The following RARB variants were observed in gnomAD, a reference collection of about 807,000 sequenced individuals.
RARB encodes the protein retinoic acid receptor beta.
A neutral mutation model predicts 51.9 loss-of-function variants in RARB; 17 were observed. The ratio of observed to expected loss-of-function variants is 0.33; its 90% confidence interval spans 0.22 to 0.49. RARB has a LOEUF of 0.49. Among genes scored for constraint, RARB ranks in the 20% least tolerant of loss-of-function variants. The pLI is 0.99. For synonymous variants in RARB, 215 were observed against 195.4 expected (o/e 1.10, Z -0.84); for missense variants, 369 against 550.8 (o/e 0.67, Z 3.30).
At chr3:24,859,872 G>A (rs1160836314) in intron 2 of RARB, among the ~76,000 whole-genome samples, 2 of 152,124 alleles carry the variant, frequency 1.3e-5, no homozygotes, top group African/African-American at 4.8e-5. Context: ...AACTTTATTT[G>A]TAGACACTGA....
At chr3:25,514,414 C>A (rs540222661) in intron 3 of RARB, among the ~76,000 whole-genome samples, 1 of 152,138 alleles carries the variant, frequency 6.6e-6, no homozygotes, top group African/African-American at 2.4e-5. Context: ...AAAGCAAACA[C>A]CCTGTTTTCT....
chr3:25,308,142 G>C (rs1001981421), intron 5 of RARB, among the ~76,000 whole-genome samples: 4 of 152,192 alleles, frequency 2.6e-5, no homozygotes, highest in African/African-American at 7.2e-5. Flanking sequence ...TTATGTGTTT[G>C]AGTGAGATGG....
chr3:25,163,660 A>G (rs911714905), intron 4 of RARB, among the ~76,000 whole-genome samples: 1 of 151,996 alleles, frequency 6.6e-6, no homozygotes, highest in Non-Finnish European at 1.5e-5. Flanking sequence ...TTGGTGGTCA[A>G]TAAAGAGTCT....
chr3:24,971,683 A>C (rs1696400826), intron 2 of RARB, among the ~76,000 whole-genome samples: 2 of 152,062 alleles, frequency 1.3e-5, no homozygotes, highest in Admixed American at 1.3e-4. Flanking sequence ...TGATCAGAGC[A>C]GTGGCTTCAG....
At chr3:25,107,666 T>A (rs991899675) in intron 3 of RARB, among the ~76,000 whole-genome samples, 1 of 152,154 alleles carries the variant, frequency 6.6e-6, no homozygotes, top group African/African-American at 2.4e-5. Context: ...TGATAAAGCT[T>A]AATTTATAAA....
chr3:25,227,352 C>A (rs1702077216), intron 5 of RARB, among the ~76,000 whole-genome samples: 1 of 152,172 alleles, frequency 6.6e-6, no homozygotes, highest in Admixed American at 6.5e-5. Flanking sequence ...ATTTGATGTT[C>A]ATTATGAAAG....
rs111257052 is a variant in RARB at position 25,543,067 on chromosome 3, A to T, written c.449-26691A>T. ...ACTGGTAATGTCTGTTGACATTTAT[A>T]ACACCTGGAAGAGATACTAGTAGAG... On this transcript the variant is annotated intron_variant, in intron 3 of 7. Coordinates refer to ENST00000330688, the MANE Select transcript of RARB (RefSeq NM_000965.5). Among the ~76,000 whole-genome samples the T allele has an allele frequency of 9.0e-3, 1,368 of 152,328 alleles. 14 individuals carry two copies. The highest frequency in any genetic ancestry group is 0.03 in the African/African-American group (1,257 of 41,568).
rs372516590 is a variant in RARB at position 24,910,348 on chromosome 3, T to C, written c.-380+51596T>C. Among the ~76,000 whole-genome samples, 4 of 152,204 alleles carry C rather than the reference T, an allele frequency of 2.6e-5. No homozygotes were observed. The East Asian group carries it at 5.8e-4, about 22-fold the overall frequency. On this transcript the variant is annotated intron_variant, in intron 2 of 11. Coordinates refer to the RARB transcript ENST00000383772. ...TTAGGTTCAGTCCCGCTAATACTAA[T>C]GTCTAGCTCTTCTTACCCAAAACCC... is the stretch of plus-strand genomic sequence containing the variant.
chr3:25,297,110 C>G (rs1703932900), intron 5 of RARB, among the ~76,000 whole-genome samples: 1 of 152,066 alleles, frequency 6.6e-6, no homozygotes, highest in Non-Finnish European at 1.5e-5. Flanking sequence ...TGTATATAAA[C>G]TTCAGGAAAT....
At chr3:24,960,548 AGTG>A (rs1486638220) in intron 2 of RARB, among the ~76,000 whole-genome samples, 1 of 152,222 alleles carries the variant, frequency 6.6e-6, no homozygotes, top group Non-Finnish European at 1.5e-5. Flanking sequence ...AGGCAGAGGA[AGTG>A]GTGACAAGAG....
chr3:25,487,712 CCTT>C (rs1437715039), intron 2 of RARB, among the ~76,000 whole-genome samples: 6 of 152,150 alleles, frequency 3.9e-5, no homozygotes, highest in Non-Finnish European at 8.8e-5. Context: ...TTCAGAATCT[CCTT>C]CTGAGGGGCT....
At chr3:24,854,173 G>A (rs557253703) in intron 1 of RARB, among the ~76,000 whole-genome samples, 1 of 152,302 alleles carries the variant, frequency 6.6e-6, no homozygotes, top group South Asian at 2.1e-4. Flanking sequence ...ATCCCCTCAG[G>A]CAGATTGTTA....
chr3:25,535,631 A>C (rs769659621), intron 3 of RARB, among the ~76,000 whole-genome samples: 2 of 150,780 alleles, frequency 1.3e-5, no homozygotes, highest in Non-Finnish European at 3.0e-5. Context: ...TCATTGTTCA[A>C]CTCCCACTTA....
intron 4 of RARB, among the ~76,000 whole-genome samples, chr3:25,135,246 T>G (rs918296887): frequency 6.6e-6 from 1 of 152,032 alleles, no homozygotes; most frequent in African/African-American, 2.4e-5. Flanking sequence ...TTTTTAAATT[T>G]TATTTAATGT....
intron 4 of RARB, among the ~76,000 whole-genome samples, chr3:25,141,490 G>A (rs1296857177): frequency 2.0e-5 from 3 of 152,140 alleles, no homozygotes; most frequent in Non-Finnish European, 4.4e-5. Context: ...CTTAGGAGAG[G>A]CAGCATCCAT....
intron 3 of RARB, among the ~76,000 whole-genome samples, chr3:25,077,223 A>G (rs1212553605): frequency 6.6e-6 from 1 of 152,222 alleles, no homozygotes; most frequent in Non-Finnish European, 1.5e-5. Context: ...AAATCAAGGC[A>G]TAATAAGCAC....
intron 5 of RARB, among the ~76,000 whole-genome samples, chr3:25,285,950 A>G (rs2125418552): frequency 6.6e-6 from 1 of 152,232 alleles, no homozygotes. Context: ...ATAAACACAA[A>G]CTCAAAAAAT....
intron 5 of RARB, among the ~76,000 whole-genome samples, chr3:25,305,281 A>G (rs963173300): frequency 1.3e-5 from 2 of 152,142 alleles, no homozygotes; most frequent in African/African-American, 4.8e-5. Flanking sequence ...TTAAGGAAAA[A>G]GAGAAAAAGG....
intron 5 of RARB, among the ~76,000 whole-genome samples, chr3:25,587,186 C>T (rs1035180187): frequency 1.3e-5 from 2 of 151,912 alleles, no homozygotes; most frequent in African/African-American, 4.9e-5. Flanking sequence ...GTTCCTGGCA[C>T]ATAGTAAGTG....
Sources: allele counts gnomAD v4.1 joint callset (sites outside exome capture counted in the v4.1 genomes callset), GRCh38; gene constraint gnomAD v4.1.1; transcripts MANE v1.5; gene names NCBI Gene and HGNC (gene_info 2026-07-23, HGNC 2026-07-21).